The following PCDH15 variants were observed in gnomAD, a reference collection of about 807,000 sequenced individuals.
PCDH15 encodes protocadherin-15.
In PCDH15, 129 loss-of-function variants were observed where a neutral mutation model predicts 178.5. That is an observed-to-expected ratio of 0.72 (90% CI 0.63 to 0.84). The LOEUF (loss-of-function observed/expected upper bound fraction) is 0.84. PCDH15 is among the 40% of genes least tolerant of loss of function. The pLI, the probability that PCDH15 is intolerant of heterozygous loss-of-function variation, is 0.00. For missense variants in PCDH15, 2,230 were observed against 2,099.9 expected, an observed-to-expected ratio of 1.06 and a Z score of -1.21; for synonymous variants, 800 against 732.0, an observed-to-expected ratio of 1.09 and a Z score of -1.50.
chr10:54,345,829 A>AAAAAAAAAC (rs1943174122), intron 6 of PCDH15, among the ~76,000 whole-genome samples: 1 of 137,120 alleles, frequency 7.3e-6, no homozygotes, highest in Non-Finnish European at 1.6e-5. Context: ...AAAAAAAAAA[A>AAAAAAAAAC]AAAAAGAAAT....
intron 1 of PCDH15, among the ~76,000 whole-genome samples, chr10:54,753,859 G>GTTT (rs11462330): frequency 1.4e-4 from 13 of 92,584 alleles, no homozygotes; most frequent in Admixed American, 5.8e-4. Context: ...TTTTTCTATT[G>GTTT]TTTTTTTTTT....
chr10:54,432,109 T>A lies in PCDH15; in HGVS notation c.158-53167A>T, dbSNP rs1023754947. Among the ~76,000 whole-genome samples the A allele has an allele frequency of 2.4e-4, 36 of 151,894 alleles. No homozygotes were observed. The South Asian group carries it at 5.8e-3, about 25-fold the overall frequency. ...TGGAAAGATATTCCATGTTCATAGG[T>A]TGGAAGAATAAATATTATTAAAATG... On this transcript the variant is annotated intron_variant, in intron 3 of 37. Transcript: ENST00000644397.
chr10:55,131,086 T>G (rs1483024280), intron 2 of PCDH15, among the ~76,000 whole-genome samples: 1 of 152,252 alleles, frequency 6.6e-6, no homozygotes, highest in East Asian at 1.9e-4. Context: ...AGTCTCAGTA[T>G]TTGTACATTC....
chr10:54,180,238 C>A (rs1590997950), intron 13 of PCDH15, among the ~76,000 whole-genome samples: 1 of 152,236 alleles, frequency 6.6e-6, no homozygotes, highest in South Asian at 2.1e-4. Flanking sequence ...TTGAAAAAAT[C>A]AAGTGTAAGA....
At chr10:54,634,777 T>C (rs996836715) in intron 2 of PCDH15, among the ~76,000 whole-genome samples, 3 of 152,020 alleles carry the variant, frequency 2.0e-5, no homozygotes, top group South Asian at 2.1e-4. Context: ...CTCAGATAAA[T>C]AAAAAAGACA....
At chr10:55,165,710 T>C (rs1271429268) in intron 2 of PCDH15, among the ~76,000 whole-genome samples, 1 of 152,014 alleles carries the variant, frequency 6.6e-6, no homozygotes, top group Non-Finnish European at 1.5e-5. Flanking sequence ...TAAGCAAGTA[T>C]GATAAGCAGT....
chr10:54,661,077 C>T (rs997953128), intron 2 of PCDH15, among the ~76,000 whole-genome samples: 1 of 151,904 alleles, frequency 6.6e-6, no homozygotes, highest in African/African-American at 2.4e-5. Flanking sequence ...AAATAAATGT[C>T]TTCCATATTG....
chr10:55,626,709 T>C (rs1033050868), intron 2 of PCDH15, among the ~76,000 whole-genome samples: 26 of 152,212 alleles, frequency 1.7e-4, no homozygotes, highest in Middle Eastern at 3.2e-3. Context: ...TATTAGCTAA[T>C]GTGTAAGAGT....
chr10:54,282,878 G>C (rs2058786876), intron 8 of PCDH15, among the ~76,000 whole-genome samples: 1 of 152,050 alleles, frequency 6.6e-6, no homozygotes, highest in African/African-American at 2.4e-5. Flanking sequence ...GTAATTTGTG[G>C]TCAGTGCTTT....
chr10:54,119,726 T>A (rs552844912), intron 15 of PCDH15, among the ~76,000 whole-genome samples: 17 of 147,844 alleles, frequency 1.1e-4, no homozygotes, highest in South Asian at 4.3e-4. Context: ...CTTAAGAAAA[T>A]TTTTTTTTTT....
At chr10:55,050,376 A>T (rs1473184499) in intron 2 of PCDH15, among the ~76,000 whole-genome samples, 1 of 152,018 alleles carries the variant, frequency 6.6e-6, no homozygotes, top group Non-Finnish European at 1.5e-5. Context: ...AATGTCCAAT[A>T]TATTTCAGTA....
intron 1 of PCDH15, among the ~76,000 whole-genome samples, chr10:55,260,555 T>C (rs1842123056): frequency 6.6e-6 from 1 of 152,166 alleles, no homozygotes; most frequent in Admixed American, 6.5e-5. Flanking sequence ...AATGTTTCCA[T>C]GGAGTTAAAT....
At chr10:55,357,468 C>T (rs1314791132) in intron 2 of PCDH15, among the ~76,000 whole-genome samples, 1 of 151,884 alleles carries the variant, frequency 6.6e-6, no homozygotes, top group Non-Finnish European at 1.5e-5. Context: ...GGGTCAATTC[C>T]GATTCTACCA....
intron 2 of PCDH15, among the ~76,000 whole-genome samples, chr10:55,595,205 A>G (rs900940446): frequency 2.0e-5 from 3 of 152,048 alleles, no homozygotes; most frequent in African/African-American, 7.2e-5. Context: ...TAAATTCAAC[A>G]TTTAGGAAGT....
intron 2 of PCDH15, among the ~76,000 whole-genome samples, chr10:54,635,975 C>T (rs1316630019): frequency 6.6e-6 from 1 of 151,026 alleles, no homozygotes; most frequent in African/African-American, 2.4e-5. Context: ...TGACTAACCT[C>T]TCTCAAAAAA....
intron 3 of PCDH15, among the ~76,000 whole-genome samples, chr10:54,415,980 T>G (rs2135721930): frequency 6.6e-6 from 1 of 152,168 alleles, no homozygotes; most frequent in Middle Eastern, 3.4e-3. Context: ...TTTTATTTTT[T>G]AAAGACAGGT....
rs1225231777 is a variant in PCDH15 at position 53,961,842 on chromosome 10, A to G, written c.2919T>C (p.Pro973=). Residue 973 remains proline (P), a synonymous_variant, in exon 22 of 38, where the codon CCT becomes CCC. Transcript: ENST00000644397. ...VRYRVDDVQF[P]YPASIFEVEE... ...CCACTTCAAAAATACTGGCAGGGTA[A>G]GGAAACTGTACATCATCTACTCTAT... 6.2e-7 allele frequency: 1 copy of G among 1,610,716 alleles called. No homozygotes were observed. The highest frequency in any genetic ancestry group is 1.3e-5 in the African/African-American group (1 of 74,972).
intron 27 of PCDH15, among the ~76,000 whole-genome samples, chr10:53,860,724 C>CAA (rs11345773): frequency 4.5e-4 from 35 of 77,888 alleles, no homozygotes; most frequent in Non-Finnish European, 6.6e-4. Context: ...GACTCTGTCT[C>CAA]AAAAAAAAAA....
chr10:55,330,580 G>A (rs1057201195), intron 2 of PCDH15, among the ~76,000 whole-genome samples: 4 of 151,710 alleles, frequency 2.6e-5, no homozygotes, highest in Non-Finnish European at 2.9e-5. Context: ...AATTATAGCT[G>A]TTATTTTTAA....
Sources: gnomAD v4.1 joint callset for allele counts (sites outside exome capture counted in the v4.1 genomes callset) on GRCh38, gnomAD v4.1.1 for gene constraint, MANE v1.5 for transcripts, NCBI Gene and HGNC (gene_info 2026-07-23, HGNC 2026-07-21) for gene names.